ARID2: variants seen among roughly 807,000 people sequenced by gnomAD.
ARID2 encodes AT-rich interactive domain-containing protein 2.
Under a neutral mutation model 184.6 loss-of-function variants are expected in ARID2, and 32 were observed. The observed-to-expected ratio is 0.17, with a 90% confidence interval of 0.13 to 0.23. ARID2 has a LOEUF of 0.23. Ranked by LOEUF, ARID2 falls within the 10% of genes least tolerant of loss-of-function variation. The pLI, the probability that ARID2 is intolerant of heterozygous loss-of-function variation, is 1.00. For synonymous variants in ARID2, 836 were observed against 772.6 expected (o/e 1.08, Z -1.36); for missense variants, 1,696 against 2,197.6 (o/e 0.77, Z 4.56).
At chr12:45,830,518 C>G (rs1279451779) in intron 6 of ARID2, among the ~76,000 whole-genome samples, 1 of 152,124 alleles carries the variant, frequency 6.6e-6, no homozygotes, top group African/African-American at 2.4e-5. Flanking sequence ...AAAGTTTTCA[C>G]CATGATACAG....
intron 3 of ARID2, among the ~76,000 whole-genome samples, chr12:45,781,471 G>A (rs764431776): frequency 3.3e-4 from 48 of 146,968 alleles, no homozygotes; most frequent in Non-Finnish European, 6.2e-4. Flanking sequence ...TTGGAATAAA[G>A]GTCAGATTAT....
At chr12:45,903,512 T>G (rs1327732738) in intron 20 of ARID2, among the ~76,000 whole-genome samples, 3 of 152,192 alleles carry the variant, frequency 2.0e-5, no homozygotes, top group African/African-American at 4.8e-5. Context: ...AATGTTTAAT[T>G]TTATCCACTC....
intron 3 of ARID2, among the ~76,000 whole-genome samples, chr12:45,753,453 A>G (rs1462119538): frequency 6.6e-6 from 1 of 152,198 alleles, no homozygotes; most frequent in Non-Finnish European, 1.5e-5. Context: ...TTCACCTGTA[A>G]AAAGTAGATA....
At chr12:45,788,214 T>C (rs1167620550) in intron 3 of ARID2, among the ~76,000 whole-genome samples, 2 of 152,204 alleles carry the variant, frequency 1.3e-5, no homozygotes, top group Non-Finnish European at 2.9e-5. Context: ...TTGATAATTA[T>C]TGATGCTATT....
chr12:45,749,845 T>C (rs1332810938), intron 3 of ARID2, among the ~76,000 whole-genome samples: 1 of 152,214 alleles, frequency 6.6e-6, no homozygotes, highest in Non-Finnish European at 1.5e-5. Context: ...CTTCCTTGAA[T>C]TGAAGAGAGT....
chr12:45,849,871 T>A, intron 14 of ARID2, 95 bp downstream of exon 14: 1 of 1,419,666 alleles, frequency 7.0e-7, no homozygotes, highest in Non-Finnish European at 9.4e-7. Context: ...GTATAACTTT[T>A]GTGTCTCCAG....
At position 45,837,312 on chromosome 12, in the gene ARID2, T is replaced by G. The variant is rs752792739; in HGVS notation, c.1024-9T>G. 2.5e-6 allele frequency: 4 copies of G among 1,590,494 alleles called. No homozygotes were observed. ...CATAGCTCAATAATAGTGTTGTTTC[T>G]TTTTCCAGCTTTTACTGGACCCTGT... On this transcript the variant is annotated splice_polypyrimidine_tract_variant and intron_variant, in intron 8 of 20. Transcript: ENST00000334344.
chr12:45,753,444 T>C (rs1404952015), intron 3 of ARID2, among the ~76,000 whole-genome samples: 1 of 152,234 alleles, frequency 6.6e-6, no homozygotes, highest in Non-Finnish European at 1.5e-5. Context: ...CTGCACAGTT[T>C]CACCTGTAAA....
rs568969888 is a variant in ARID2, at chr12:45,767,748, C to T, written c.284+36434C>T. 2.6e-5 allele frequency among the ~76,000 whole-genome samples: 4 copies of T among 152,306 alleles called. No homozygotes were observed. The South Asian group carries it at 8.3e-4, about 32-fold the overall frequency. On this transcript the variant is annotated intron_variant, in intron 3 of 20. Transcript: ENST00000334344. ...TGTATCTGTGGAACTATAGTTTGTACATCTTCCTTGTTGAAGGTATGAGGA... is the reference window on the plus strand; with the variant it reads ...TGTATCTGTGGAACTATAGTTTGTATATCTTCCTTGTTGAAGGTATGAGGA...
chr12:45,899,341 A>G, intron 20 of ARID2, among the ~76,000 whole-genome samples: 4 of 148,828 alleles, frequency 2.7e-5, no homozygotes, highest in African/African-American at 9.9e-5. Context: ...GTGGTGGCTC[A>G]CACCTGTAAT....
At chr12:45,900,227 ATTT>A (rs987558974) in intron 20 of ARID2, among the ~76,000 whole-genome samples, 1 of 151,828 alleles carries the variant, frequency 6.6e-6, no homozygotes, top group African/African-American at 2.4e-5. Context: ...CGCCTGGCTA[ATTT>A]TTTTATTTCT....
At chr12:45,877,788 A>G (rs1944034676) in intron 16 of ARID2, among the ~76,000 whole-genome samples, 1 of 151,812 alleles carries the variant, frequency 6.6e-6, no homozygotes, top group South Asian at 2.1e-4. Flanking sequence ...AGTAAGAAAA[A>G]GAAATATTTT....
chr12:45,870,434 G>A (rs1943907529), intron 16 of ARID2, among the ~76,000 whole-genome samples: 1 of 152,154 alleles, frequency 6.6e-6, no homozygotes. Flanking sequence ...TAATTGATGA[G>A]CCAATATTGA....
intron 3 of ARID2, among the ~76,000 whole-genome samples, chr12:45,796,966 C>G (rs1022441289): frequency 2.1e-4 from 32 of 152,106 alleles, no homozygotes; most frequent in Admixed American, 2.1e-3. Flanking sequence ...TTCTGTTTAC[C>G]TAAACCTTTG....
At chr12:45,794,982 T>C (rs1592081062) in intron 3 of ARID2, among the ~76,000 whole-genome samples, 1 of 152,098 alleles carries the variant, frequency 6.6e-6, no homozygotes, top group African/African-American at 2.4e-5. Context: ...CTTTTTTCCA[T>C]TTCACTCTAA....
At chr12:45,735,673 G>C (rs1941101476) in intron 3 of ARID2, among the ~76,000 whole-genome samples, 1 of 152,082 alleles carries the variant, frequency 6.6e-6, no homozygotes, top group Admixed American at 6.6e-5. Context: ...CTGATATTCT[G>C]TTACGTTTTT....
chr12:45,827,919 G>C (rs767672522), intron 6 of ARID2, among the ~76,000 whole-genome samples: 2 of 151,992 alleles, frequency 1.3e-5, no homozygotes, highest in Non-Finnish European at 2.9e-5. Context: ...AATGACAAAA[G>C]ATATGTTAAT....
chr12:45,859,687 G>GA (rs930052051), intron 15 of ARID2, among the ~76,000 whole-genome samples: 7 of 152,032 alleles, frequency 4.6e-5, no homozygotes, highest in African/African-American at 1.4e-4. Flanking sequence ...GGATCTAAAA[G>GA]AAAAAAATTA....
intron 3 of ARID2, among the ~76,000 whole-genome samples, chr12:45,777,748 G>A (rs1942012306): frequency 1.3e-5 from 2 of 150,130 alleles, no homozygotes; most frequent in South Asian, 4.2e-4. Context: ...GTAGATTATA[G>A]GGACTAAGTA....
Sources: allele counts gnomAD v4.1 joint callset (sites outside exome capture counted in the v4.1 genomes callset), GRCh38; gene constraint gnomAD v4.1.1; transcripts MANE v1.5; gene names NCBI Gene and HGNC (gene_info 2026-07-23, HGNC 2026-07-21).